NTNG2: variants seen among roughly 807,000 people sequenced by gnomAD.
The protein encoded by NTNG2 is netrin-G2.
In NTNG2, 15 loss-of-function variants were observed where a neutral mutation model predicts 47.6. The observed-to-expected ratio is 0.32, with a 90% confidence interval of 0.21 to 0.49. NTNG2 has a LOEUF of 0.49. Among genes scored for constraint, NTNG2 ranks in the 20% least tolerant of loss-of-function variants. The pLI is 0.99. For missense variants in NTNG2, 578 were observed against 764.6 expected (o/e 0.76, Z 2.88); for synonymous variants, 307 against 324.6 (o/e 0.95, Z 0.58).
chr9:132,169,852 C>T (rs968214185), intron 2 of NTNG2, among the ~76,000 whole-genome samples: 8 of 152,206 alleles, frequency 5.3e-5, no homozygotes, highest in African/African-American at 1.9e-4. Context: ...CTTCCCCGGG[C>T]TCCTTTGCCT....
chr9:132,236,390 G>A lies in NTNG2; in HGVS notation c.1055-2714G>A, dbSNP rs1035231487. Among the ~76,000 whole-genome samples the A allele has an allele frequency of 1.4e-4, 22 of 152,166 alleles. No homozygotes were observed. The highest frequency in any genetic ancestry group is 5.1e-4 in the African/African-American group (21 of 41,436). On this transcript the variant is annotated intron_variant, in intron 5 of 7. Transcript: ENST00000393229. This position sits in a 1 kb window ranked among gnomAD's most constrained non-coding sequence, Gnocchi z 4.3. ...CCATAGACAGACATGCCAAGGAAACGCGCAGGCCTGCCCGACTCTCCAGAA... is the reference window on the plus strand; with the variant it reads ...CCATAGACAGACATGCCAAGGAAACACGCAGGCCTGCCCGACTCTCCAGAA...
chr9:132,216,740 G>A (rs755116841), intron 3 of NTNG2, among the ~76,000 whole-genome samples: 9 of 152,156 alleles, frequency 5.9e-5, no homozygotes, highest in Non-Finnish European at 1.2e-4. Context: ...GCGATCGCTT[G>A]GGAAAATTGA....
At chr9:132,164,296 C>T (rs1835331496) in intron 1 of NTNG2, among the ~76,000 whole-genome samples, 1 of 152,126 alleles carries the variant, frequency 6.6e-6, no homozygotes, top group Non-Finnish European at 1.5e-5. Context: ...GCGAGTTGCG[C>T]CGCGCGCGCC....
intron 3 of NTNG2, among the ~76,000 whole-genome samples, chr9:132,203,803 G>C (rs1468624864): frequency 6.6e-6 from 1 of 152,128 alleles, no homozygotes; most frequent in Non-Finnish European, 1.5e-5. Flanking sequence ...CTCCAGACCT[G>C]GGAGTCAGAG....
intron 3 of NTNG2, among the ~76,000 whole-genome samples, chr9:132,225,022 C>T (rs879789500): frequency 1.3e-5 from 2 of 150,434 alleles, no homozygotes; most frequent in Non-Finnish European, 3.0e-5. Flanking sequence ...TGGGTTCAAG[C>T]GATTCTCCTG....
chr9:132,172,111 G>C (rs562738485), intron 2 of NTNG2, among the ~76,000 whole-genome samples: 11 of 152,322 alleles, frequency 7.2e-5, no homozygotes, highest in East Asian at 5.8e-4. Flanking sequence ...TGAACTCTCC[G>C]GGCGCTCCAG....
chr9:132,207,832 G>C (rs1048122824), intron 3 of NTNG2, among the ~76,000 whole-genome samples: 3 of 152,194 alleles, frequency 2.0e-5, no homozygotes, highest in African/African-American at 7.2e-5. Flanking sequence ...GGCCAGGCAC[G>C]GTGGCTCACG....
At chr9:132,176,179 T>A (rs776111951) in intron 2 of NTNG2, among the ~76,000 whole-genome samples, 16 of 142,914 alleles carry the variant, frequency 1.1e-4, no homozygotes, top group Non-Finnish European at 2.0e-4. Flanking sequence ...TGAGACCCCA[T>A]CTCTCAAAAA....
Position 132,215,449 on chromosome 9 carries a change from G to A in NTNG2, c.858-11400G>A, listed in dbSNP as rs879398868. On this transcript the variant is annotated intron_variant, in intron 3 of 7. Transcript: ENST00000393229. The surrounding 1 kb of genome is among the most constrained non-coding windows in gnomAD (Gnocchi z 4.2). ...ACTAAAATTAGCCGGGTGTGGTGGC[G>A]GGCGCCTGTAATCCCAGCTACTCGG... Among the ~76,000 whole-genome samples, 6 of 150,514 alleles carry A rather than the reference G, an allele frequency of 4.0e-5. No homozygotes were observed. Among genetic ancestry groups the A allele is most frequent in the Non-Finnish European group, 7.4e-5 (5 of 67,772 alleles).
chr9:132,241,806 T>C, intron 7 of NTNG2, 70 bp from the exon 8 acceptor site: 1 of 1,220,510 alleles, frequency 8.2e-7, no homozygotes, highest in Non-Finnish European at 1.1e-6. Flanking sequence ...CACACCCTGC[T>C]TCGCAGGAGC....
intron 2 of NTNG2, among the ~76,000 whole-genome samples, chr9:132,173,786 C>G (rs977349435): frequency 6.8e-6 from 1 of 146,042 alleles, no homozygotes; most frequent in African/African-American, 2.6e-5. Context: ...CAGGTCGAAC[C>G]ATACTGCGGA....
Position 132,198,346 on chromosome 9 carries a change from GT to G in NTNG2, c.595del (p.Tyr199ThrfsTer170). ...SAHRVLCTEEYSRWAGSKKEK... is the reference protein window; with the variant it reads ...SAHRVLCTEEXSRWAGSKKEK... ...CGCACCGCGTGCTCTGCACCGAGGA[GT>G]ACTCGCGCTGGGCAGGCTCCAAGAA... is the stretch of plus-strand genomic sequence containing the variant. On this transcript the variant is annotated frameshift_variant, in exon 3 of 8. Coordinates refer to ENST00000393229, the MANE Select transcript of NTNG2 (RefSeq NM_032536.4). LOFTEE classifies it high-confidence loss of function. 6.2e-7 allele frequency: 1 copy of G among 1,612,894 alleles called. No individual in the cohort carries two copies. Among genetic ancestry groups the G allele is most frequent in the Non-Finnish European group, 8.5e-7 (1 of 1,179,932 alleles).
At chr9:132,187,933 C>T (rs578252191) in intron 2 of NTNG2, among the ~76,000 whole-genome samples, 10 of 152,286 alleles carry the variant, frequency 6.6e-5, no homozygotes, top group East Asian at 5.8e-4. Flanking sequence ...ATTTTGTGAA[C>T]GGGGAAACCA....
At chr9:132,210,703 G>A (rs1839528875) in intron 3 of NTNG2, among the ~76,000 whole-genome samples, 1 of 152,208 alleles carries the variant, frequency 6.6e-6, no homozygotes, top group Admixed American at 6.5e-5. Flanking sequence ...GGGTTGGAGA[G>A]GGGAAGTTGA....
At chr9:132,187,784 G>A (rs901728838) in intron 2 of NTNG2, among the ~76,000 whole-genome samples, 2 of 152,172 alleles carry the variant, frequency 1.3e-5, no homozygotes, top group African/African-American at 4.8e-5. Context: ...CTAGCACCCC[G>A]GCTTTCTCCC....
At position 132,231,277 on chromosome 9, in the gene NTNG2, C is replaced by CA. The variant is rs1160300070; in HGVS notation, c.1054+683dup. The CA allele has an allele frequency of 3.9e-5, 18 of 456,106 alleles. No individual in the cohort carries two copies. In the Admixed American group the frequency reaches 4.2e-4, roughly 11 times the overall value. The allele number at this position is 456,106 out of a possible 1,614,324, so 28.3% of individuals were successfully genotyped here. A position where few individuals can be genotyped will look rare whatever the true frequency, so the allele number is the denominator to read the frequency against. ...CCCCAGACACTCACAGGGTGCCAGG[C>CA]ACGGTCTCTCCTTTCAGCCTTGCAA... On this transcript the variant is annotated intron_variant, in intron 5 of 7. Coordinates refer to ENST00000393229, the MANE Select transcript of NTNG2 (RefSeq NM_032536.4). The surrounding 1 kb of genome is among the most constrained non-coding windows in gnomAD (Gnocchi z 4.1).
At chr9:132,209,130 A>G (rs1839393659) in intron 3 of NTNG2, among the ~76,000 whole-genome samples, 1 of 152,220 alleles carries the variant, frequency 6.6e-6, no homozygotes, top group Non-Finnish European at 1.5e-5. Context: ...TTATGAGTAG[A>G]GCTGCTATAA....
intron 3 of NTNG2, among the ~76,000 whole-genome samples, chr9:132,211,799 G>A (rs1305002686): frequency 2.6e-5 from 4 of 152,250 alleles, no homozygotes; most frequent in African/African-American, 7.2e-5. Context: ...GCACGTACAC[G>A]TCTGACACCC....
At chr9:132,169,766 G>A (rs1835759351) in intron 2 of NTNG2, among the ~76,000 whole-genome samples, 1 of 152,218 alleles carries the variant, frequency 6.6e-6, no homozygotes, top group Non-Finnish European at 1.5e-5. Flanking sequence ...CACATAGTAG[G>A]TACTCAGTGT....
Sources: allele counts gnomAD v4.1 joint callset (sites outside exome capture counted in the v4.1 genomes callset), GRCh38; gene constraint gnomAD v4.1.1; non-coding constraint Gnocchi (gnomAD v3.1); transcripts MANE v1.5; gene names NCBI Gene and HGNC (gene_info 2026-07-23, HGNC 2026-07-21).